Variants in SRCIN1 observed in about 807,000 individuals in gnomAD.
The protein encoded by SRCIN1 is P130Cas-associated protein.
Under a neutral mutation model 116.2 loss-of-function variants are expected in SRCIN1, and 50 were observed. The observed-to-expected ratio is 0.43, with a 90% CI of 0.34 to 0.54. The LOEUF (loss-of-function observed/expected upper bound fraction) is 0.54, where lower values mean the gene tolerates loss of function less well. SRCIN1 is among the 20% of genes least tolerant of loss of function. The probability of loss-of-function intolerance (pLI) is 0.02; values close to 1 mark genes in which losing one functional copy is unlikely to be tolerated. For missense variants in SRCIN1, 1,446 were observed against 1,672.0 expected, an observed-to-expected ratio of 0.86 and a Z score of 2.36; for synonymous variants, 736 against 750.0, an observed-to-expected ratio of 0.98 and a Z score of 0.30.
intron 1 of SRCIN1, among the ~76,000 whole-genome samples, chr17:38,592,838 G>A (rs1013407348): frequency 2.0e-5 from 3 of 152,074 alleles, no homozygotes; most frequent in African/African-American, 7.3e-5. Flanking sequence ...GGGGGGTTGG[G>A]GGGCTGGTGG....
Position 38,578,426 on chromosome 17 carries a change from C to T in SRCIN1, c.324+64G>A. ...AGCCTGGGGACACGGAGCACGGGGT[C>T]AGACCTCCTCCCCTGCCCGCTGGCC... On this transcript the variant is annotated intron_variant, in intron 2 of 18. Transcript: ENST00000617146. The T allele has an allele frequency of 2.7e-6, 4 of 1,499,948 alleles. No homozygotes were observed. The South Asian group carries it at 5.4e-5, about 20-fold the overall frequency. 92.9% of individuals were successfully genotyped at this position (1,499,948 alleles called of 1,614,324 possible). A position where few individuals can be genotyped will look rare whatever the true frequency, so the allele number is the denominator to read the frequency against.
intron 1 of SRCIN1, among the ~76,000 whole-genome samples, chr17:38,605,339 C>T (rs1384905159): frequency 7.2e-6 from 1 of 138,612 alleles, no homozygotes; most frequent in African/African-American, 2.7e-5. Context: ...CCCTTCTTCT[C>T]CTCACCCCTC....
intron 1 of SRCIN1, among the ~76,000 whole-genome samples, chr17:38,591,760 C>G (rs536187056): frequency 1.8e-4 from 28 of 152,290 alleles, no homozygotes; most frequent in Non-Finnish European, 3.4e-4. Context: ...ACTGCTCCTT[C>G]CAGTCACTTC....
Position 38,562,461 on chromosome 17 carries a change from T to G in SRCIN1, c.835-133A>C. 9.0e-7 allele frequency: 1 copy of G among 1,112,174 alleles called. No individual in the cohort carries two copies. The highest frequency in any genetic ancestry group is 1.2e-6 in the Non-Finnish European group (1 of 828,060). The allele number at this position is 1,112,174 out of a possible 1,614,324, so 68.9% of individuals were successfully genotyped here. ...GCTCTCTGCCCTCCCTCCATCCTGC[T>G]GCGTCTAGGGTCCCTTTCCCATCAG... is the stretch of plus-strand genomic sequence containing the variant. On this transcript the variant is annotated intron_variant, in intron 6 of 18. Coordinates refer to ENST00000617146, the MANE Select transcript of SRCIN1 (RefSeq NM_025248.3). This position sits in a 1 kb window ranked among gnomAD's most constrained non-coding sequence, Gnocchi z 4.2.
chr17:38,579,651 G>A (rs1424895121), intron 1 of SRCIN1, among the ~76,000 whole-genome samples: 3 of 152,140 alleles, frequency 2.0e-5, no homozygotes, highest in Non-Finnish European at 2.9e-5. Context: ...CATAAGAGAC[G>A]TACAGGGGAC....
Position 38,605,577 on chromosome 17 carries a change from GGCC to G in SRCIN1, c.22+104_22+106del, listed in dbSNP as rs945504808. The G allele has an allele frequency of 4.9e-5, 45 of 912,998 alleles. No individual in the cohort carries two copies. The African/African-American group carries it at 8.2e-4, about 17-fold the overall frequency. The allele number at this position is 912,998 out of a possible 1,614,324, so 56.6% of individuals were successfully genotyped here. On this transcript the variant is annotated intron_variant, in intron 1 of 18. Coordinates refer to ENST00000617146, the MANE Select transcript of SRCIN1 (RefSeq NM_025248.3). ...CCGCCGGCCACCGCCTCCCCGGCCC[GGCC>G]GCCGCCCCCGCCCCCGGCCGAGGGG...
chr17:38,558,113 G>A lies in SRCIN1; in HGVS notation c.2201+114C>T. 4.0e-6 allele frequency: 5 copies of A among 1,255,262 alleles called. No homozygotes were observed. Among genetic ancestry groups the A allele is most frequent in the Non-Finnish European group, 5.6e-6 (5 of 895,318 alleles). 77.8% of individuals were successfully genotyped at this position (1,255,262 alleles called of 1,614,324 possible). ...GAGAATGAAATCAGGCTTCAGAACA[G>A]ACCAACGCCACCTGTGACTCAGAGG... On this transcript the variant is annotated intron_variant, in intron 11 of 18. Coordinates refer to ENST00000617146, the MANE Select transcript of SRCIN1 (RefSeq NM_025248.3). This position sits in a 1 kb window ranked among gnomAD's most constrained non-coding sequence, Gnocchi z 4.6.
At chr17:38,534,980 T>A (rs1006572116) in intron 18 of SRCIN1, among the ~76,000 whole-genome samples, 1 of 152,046 alleles carries the variant, frequency 6.6e-6, no homozygotes, top group South Asian at 2.1e-4. Context: ...AAATTTTTTT[T>A]AAATAGCTGA....
chr17:38,538,437 T>A (rs866211192), intron 18 of SRCIN1, among the ~76,000 whole-genome samples: 6,318 of 137,196 alleles, frequency 0.046, 236 homozygotes, highest in African/African-American at 0.087. Flanking sequence ...AAAAAAATAA[T>A]AATAATAATA....
At position 38,605,735 on chromosome 17, in the gene SRCIN1, G is replaced by C; in HGVS notation, c.-30C>G. The C allele has an allele frequency of 8.8e-7, 1 of 1,140,342 alleles. No homozygotes were observed. Among genetic ancestry groups the C allele is most frequent in the Non-Finnish European group, 1.1e-6 (1 of 916,032 alleles). The allele number at this position is 1,140,342 out of a possible 1,614,324, so 70.6% of individuals were successfully genotyped here. A position where few individuals can be genotyped will look rare whatever the true frequency, so the allele number is the denominator to read the frequency against. On this transcript the variant is annotated 5_prime_UTR_variant, in exon 1 of 19. Coordinates refer to ENST00000617146, the MANE Select transcript of SRCIN1 (RefSeq NM_025248.3). ...CGGGGGCGCGGGGGGCGGGGGCCCC[G>C]GGCCGGCCTGCCTGGCGCTCGCCCT...
rs1390491913 is a variant in SRCIN1 at position 38,552,296 on chromosome 17, G to C, written c.2480+151C>G. 2 of 1,393,968 alleles carry C rather than the reference G, an allele frequency of 1.4e-6. No individual in the cohort carries two copies. Among genetic ancestry groups the C allele is most frequent in the Admixed American group, 2.7e-5 (1 of 37,456 alleles). 86.3% of individuals were successfully genotyped at this position (1,393,968 alleles called of 1,614,324 possible). On this transcript the variant is annotated intron_variant, in intron 13 of 18. Coordinates refer to ENST00000617146, the MANE Select transcript of SRCIN1 (RefSeq NM_025248.3). This position sits in a 1 kb window ranked among gnomAD's most constrained non-coding sequence, Gnocchi z 5.3. ...GGTATAAGAGGAAGCCAGGTCTACA[G>C]CATGCAGGGGTCACAGGGCAGAGCT...
At chr17:38,559,537 T>C (rs1453965107) in intron 10 of SRCIN1, 48 bp downstream of exon 10, 1 of 1,572,004 alleles carries the variant, frequency 6.4e-7, no homozygotes. Context: ...AAGGGACTTC[T>C]ACCAGTAGGT....
chr17:38,560,109 G>C lies in SRCIN1; in HGVS notation c.1794-12C>G. 6.5e-7 allele frequency: 1 copy of C among 1,543,196 alleles called. No individual in the cohort carries two copies. The highest frequency in any genetic ancestry group is 2.0e-5 in the Admixed American group (1 of 48,872). On this transcript the variant is annotated splice_polypyrimidine_tract_variant and intron_variant, in intron 8 of 18. Coordinates refer to ENST00000617146, the MANE Select transcript of SRCIN1 (RefSeq NM_025248.3). ...CTTCAATCTTCTCGCTGTGGCACAG[G>C]GAAAAAAGCCATCAGGGGGTCCAGG...
At chr17:38,551,472 CG>C in intron 14 of SRCIN1, 83 bp from the exon 15 acceptor site, 2 of 1,195,056 alleles carry the variant, frequency 1.7e-6, no homozygotes, top group Non-Finnish European at 2.3e-6. Context: ...CCCCAAGCCA[CG>C]TAGGCAAGGA....
rs969569435 is a variant in SRCIN1 at position 38,604,762 on chromosome 17, G to A, written c.22+922C>T. 3 of 293,052 alleles carry A rather than the reference G, an allele frequency of 1.0e-5. No homozygotes were observed. Among genetic ancestry groups the A allele is most frequent in the African/African-American group, 4.7e-5 (2 of 42,306 alleles). 18.2% of individuals were successfully genotyped at this position (293,052 alleles called of 1,614,324 possible). ...CGGAGCTGGCCCGGGAGCTTCTGAC[G>A]TAGCAGGGGGGTGCGTGGGAGGGGA... On this transcript the variant is annotated intron_variant, in intron 1 of 18. Coordinates refer to ENST00000617146, the MANE Select transcript of SRCIN1 (RefSeq NM_025248.3). This position sits in a 1 kb window ranked among gnomAD's most constrained non-coding sequence, Gnocchi z 4.3.
rs373314412 is a variant in SRCIN1 at position 38,561,711 on chromosome 17, G to T, written c.1452C>A (p.Pro484=). ...SPQKLADVAA[P]PGGPPPPHSP... ...TGTGCGGTGGCGGGGGACCTCCGGG[G>T]GGTGCTGCCACGTCGGCCAGCTTCT... Residue 484 remains proline, a synonymous_variant, in exon 7 of 19, where the codon CCC becomes CCA. Coordinates refer to ENST00000617146, the MANE Select transcript of SRCIN1 (RefSeq NM_025248.3). 2 of 1,536,948 alleles carry T rather than the reference G, an allele frequency of 1.3e-6. No individual in the cohort carries two copies. Among genetic ancestry groups the T allele is most frequent in the African/African-American group, 1.4e-5 (1 of 71,732 alleles).
At chr17:38,601,260 C>G (rs1304997367) in intron 1 of SRCIN1, 1 of 152,282 alleles carries the variant, frequency 6.6e-6, no homozygotes, top group African/African-American at 2.4e-5. Context: ...CTTTTTCCAC[C>G]AGGGTCTTGT....
At chr17:38,559,346 G>T in intron 10 of SRCIN1, 1 of 555,022 alleles carries the variant, frequency 1.8e-6, no homozygotes, top group Middle Eastern at 4.7e-4. Flanking sequence ...GGCTCAATGA[G>T]GGGGTCACGG....
In SRCIN1 at chr17:38,561,622, C is replaced by T; in HGVS notation, c.1541G>A (p.Gly514Asp). Residue 514 changes from glycine (G) to aspartate (D), a missense_variant, in exon 7 of 19, where the codon GGC becomes GAC. This residue lies in a region of SRCIN1 where 398 missense variants were observed against 385.6 expected (regional missense o/e 1.03). Transcript: ENST00000617146. Reference protein sequence around the residue: ...PVRQSFRKDSGSSSVFAESPG... With the variant: ...PVRQSFRKDSDSSSVFAESPG... The stretch of plus-strand genomic sequence containing the variant: ...ACTCTCGGCAAAGACGGACGAGGAG[C>T]CCGAGTCCTTGCGGAAGGACTGGCG... The T allele has an allele frequency of 6.3e-7, 1 of 1,583,964 alleles. No homozygotes were observed.
Sources: gnomAD v4.1 joint callset for allele counts (sites outside exome capture counted in the v4.1 genomes callset) on GRCh38, gnomAD v4.1.1 for gene constraint, gnomAD v4.1.1 regional missense constraint, Gnocchi (gnomAD v3.1) non-coding constraint, MANE v1.5 for transcripts, NCBI Gene and HGNC (gene_info 2026-07-23, HGNC 2026-07-21) for gene names.